HS2ST1: variants seen among roughly 807,000 people sequenced by gnomAD.
HS2ST1 encodes heparan sulfate 2-O-sulfotransferase 1.
Under a neutral mutation model 42.9 loss-of-function variants are expected in HS2ST1, and 18 were observed. That is an observed-to-expected ratio of 0.42 (90% CI 0.29 to 0.62). HS2ST1 has a LOEUF of 0.62. Ranked by LOEUF, HS2ST1 falls within the 20% of genes least tolerant of loss-of-function variation. The pLI, the probability that HS2ST1 is intolerant of heterozygous loss-of-function variation, is 0.21. For missense variants in HS2ST1, 334 were observed against 433.8 expected, an observed-to-expected ratio of 0.77 and a Z score of 2.04; for synonymous variants, 146 against 152.9, an observed-to-expected ratio of 0.95 and a Z score of 0.33.
At chr1:86,928,840 T>C (rs1660475906) in intron 1 of HS2ST1, among the ~76,000 whole-genome samples, 1 of 151,962 alleles carries the variant, frequency 6.6e-6, no homozygotes, top group African/African-American at 2.4e-5. Context: ...GCCATTAAAA[T>C]AAGGGATATG....
At chr1:86,982,295 T>G (rs1648619891) in intron 1 of HS2ST1, among the ~76,000 whole-genome samples, 1 of 152,178 alleles carries the variant, frequency 6.6e-6, no homozygotes, top group Non-Finnish European at 1.5e-5. Context: ...AGAGACATTT[T>G]CTCCATTGTC....
intron 2 of HS2ST1, among the ~76,000 whole-genome samples, chr1:87,083,734 T>C (rs1651746768): frequency 6.6e-6 from 1 of 152,184 alleles, no homozygotes; most frequent in Non-Finnish European, 1.5e-5. Flanking sequence ...TTAAAAATCA[T>C]TTTGGTTTTA....
intron 1 of HS2ST1, among the ~76,000 whole-genome samples, chr1:86,927,257 G>A (rs1660441183): frequency 6.6e-6 from 1 of 152,166 alleles, no homozygotes; most frequent in Non-Finnish European, 1.5e-5. Flanking sequence ...AATGCATATA[G>A]TTTGCCCTAT....
chr1:86,986,992 G>C (rs1031038400), intron 1 of HS2ST1, among the ~76,000 whole-genome samples: 1 of 151,816 alleles, frequency 6.6e-6, no homozygotes, highest in African/African-American at 2.4e-5. Context: ...GTTCTGCCTG[G>C]GACTGCTTTT....
chr1:86,952,444 G>A (rs1477707229), intron 1 of HS2ST1, among the ~76,000 whole-genome samples: 1 of 152,062 alleles, frequency 6.6e-6, no homozygotes, highest in African/African-American at 2.4e-5. Flanking sequence ...CACCATGTTG[G>A]CCAGGCTGGT....
chr1:86,998,417 T>A (rs112473994), intron 1 of HS2ST1, among the ~76,000 whole-genome samples: 1,651 of 152,286 alleles, frequency 0.011, 31 homozygotes, highest in African/African-American at 0.038. Context: ...AGTCAATAAG[T>A]CCATTTCACT....
chr1:86,997,780 G>A (rs1255656489), intron 1 of HS2ST1, among the ~76,000 whole-genome samples: 3 of 152,164 alleles, frequency 2.0e-5, no homozygotes, highest in Non-Finnish European at 4.4e-5. Context: ...AGCACATACA[G>A]CATGAATGCA....
At chr1:87,085,034 C>T (rs1288180182) in intron 3 of HS2ST1, among the ~76,000 whole-genome samples, 3 of 152,148 alleles carry the variant, frequency 2.0e-5, no homozygotes, top group Admixed American at 2.0e-4. Context: ...TCTGTACAGT[C>T]TGTGCCACAT....
At chr1:86,972,124 A>G (rs1316712511) in intron 1 of HS2ST1, among the ~76,000 whole-genome samples, 2 of 152,230 alleles carry the variant, frequency 1.3e-5, no homozygotes, top group Non-Finnish European at 2.9e-5. Context: ...TTGCAAGGTT[A>G]TGAGTTGTTA....
At chr1:87,026,670 T>C (rs1190562561) in intron 1 of HS2ST1, among the ~76,000 whole-genome samples, 2 of 152,154 alleles carry the variant, frequency 1.3e-5, no homozygotes, top group Non-Finnish European at 2.9e-5. Flanking sequence ...CCTAAGTTCA[T>C]TGGCATTTCA....
chr1:87,008,786 T>C (rs1334270700), intron 1 of HS2ST1, among the ~76,000 whole-genome samples: 1 of 152,202 alleles, frequency 6.6e-6, no homozygotes, highest in African/African-American at 2.4e-5. Flanking sequence ...TAAAATCTAC[T>C]TGCTAATTCT....
intron 1 of HS2ST1, among the ~76,000 whole-genome samples, chr1:86,934,207 C>T (rs945478620): frequency 6.6e-6 from 1 of 152,276 alleles, no homozygotes; most frequent in South Asian, 2.1e-4. Context: ...GAATGTGAAA[C>T]CTCGGATGAG....
intron 5 of HS2ST1, chr1:87,098,139 C>T: frequency 8.9e-7 from 1 of 1,121,214 alleles, no homozygotes; most frequent in Non-Finnish European, 1.1e-6. Flanking sequence ...AATATCCTTG[C>T]ATTGTTTTCT....
chr1:87,053,918 CT>C (rs1321240573), intron 1 of HS2ST1, among the ~76,000 whole-genome samples: 2 of 19,760 alleles, frequency 1.0e-4, no homozygotes, highest in African/African-American at 1.6e-4. Context: ...ATAAAATTCT[CT>C]TTTTTTTAAC....
intron 1 of HS2ST1, among the ~76,000 whole-genome samples, chr1:87,013,374 C>G (rs1445618760): frequency 6.6e-6 from 1 of 152,260 alleles, no homozygotes; most frequent in Non-Finnish European, 1.5e-5. Flanking sequence ...GTGCTTGCAC[C>G]CTTTGAAGCC....
At chr1:86,921,091 TAAAA>T (rs1553130045) in intron 1 of HS2ST1, among the ~76,000 whole-genome samples, 2 of 151,622 alleles carry the variant, frequency 1.3e-5, no homozygotes, top group East Asian at 3.9e-4. Flanking sequence ...CAATTACAAA[TAAAA>T]AAAAACTATC....
intron 2 of HS2ST1, among the ~76,000 whole-genome samples, chr1:87,073,781 T>C (rs1460749047): frequency 6.6e-6 from 1 of 152,214 alleles, no homozygotes; most frequent in East Asian, 1.9e-4. Flanking sequence ...TTAATAGTAG[T>C]AGCATACATT....
intron 1 of HS2ST1, among the ~76,000 whole-genome samples, chr1:86,969,482 T>C (rs146839530): frequency 7.2e-4 from 110 of 152,274 alleles, no homozygotes; most frequent in African/African-American, 2.3e-3. Context: ...AGCGTGAAGG[T>C]TGGAATGATC....
intron 1 of HS2ST1, among the ~76,000 whole-genome samples, chr1:86,960,133 G>T (rs977384736): frequency 6.7e-6 from 1 of 150,364 alleles, no homozygotes; most frequent in African/African-American, 2.5e-5. Context: ...ATAGTAAATT[G>T]ATCCTTGACA....
Sources: gnomAD v4.1 joint callset for allele counts (sites outside exome capture counted in the v4.1 genomes callset) on GRCh38, gnomAD v4.1.1 for gene constraint, MANE v1.5 for transcripts, NCBI Gene and HGNC (gene_info 2026-07-23, HGNC 2026-07-21) for gene names.